Variants in TMEM178B observed in about 807,000 individuals in gnomAD.
The protein encoded by TMEM178B is transmembrane protein 178B.
TMEM178B carries 5 observed loss-of-function variants against 31.0 expected under a neutral mutation model. The observed-to-expected ratio is 0.16, with a 90% CI of 0.08 to 0.34. The LOEUF (loss-of-function observed/expected upper bound fraction) is 0.34, where lower values mean the gene tolerates loss of function less well. Among genes scored for constraint, TMEM178B ranks in the 10% least tolerant of loss-of-function variants. TMEM178B has a pLI of 1.00. For missense variants in TMEM178B, 275 were observed against 400.3 expected (o/e 0.69, Z 2.67); for synonymous variants, 164 against 164.0 (o/e 1.00, Z 0.00).
At chr7:141,196,872 A>G (rs1796791289) in intron 1 of TMEM178B, among the ~76,000 whole-genome samples, 1 of 152,168 alleles carries the variant, frequency 6.6e-6, no homozygotes. Flanking sequence ...ATAGTAGGAC[A>G]CAGCTAGGGT....
At chr7:141,418,704 C>T (rs1036066546) in intron 2 of TMEM178B, among the ~76,000 whole-genome samples, 1 of 152,128 alleles carries the variant, frequency 6.6e-6, no homozygotes, top group African/African-American at 2.4e-5. Context: ...TGTTCCATCT[C>T]TCGAAAAGCA....
intron 1 of TMEM178B, among the ~76,000 whole-genome samples, chr7:141,204,576 A>G (rs867291438): frequency 6.6e-6 from 1 of 152,118 alleles, no homozygotes; most frequent in Admixed American, 6.5e-5. Flanking sequence ...AAGATTCCAG[A>G]CTCATTTTAA....
rs547470143 is a variant in TMEM178B, at chr7:141,267,709, G to A, written c.496+55005G>A. On this transcript the variant is annotated intron_variant, in intron 2 of 3. Coordinates refer to ENST00000565468, the MANE Select transcript of TMEM178B (RefSeq NM_001195278.2). Reference sequence around the variant, plus strand: ...TTCTCTAGGCTTTTCCAGCTTTCTTGCTTCAGCACTTGGGACATTTTTATA... The same window carrying A: ...TTCTCTAGGCTTTTCCAGCTTTCTTACTTCAGCACTTGGGACATTTTTATA... 1.6e-3 allele frequency among the ~76,000 whole-genome samples: 249 copies of A among 152,340 alleles called. No homozygotes were observed. In the Middle Eastern group the frequency reaches 0.02, roughly 12 times the overall value.
chr7:141,262,389 A>T (rs1430820390), intron 2 of TMEM178B, among the ~76,000 whole-genome samples: 1 of 151,534 alleles, frequency 6.6e-6, no homozygotes, highest in African/African-American at 2.4e-5. Flanking sequence ...CATGCATGTG[A>T]GTTGCTTTGG....
At chr7:141,246,542 G>A (rs1484519823) in intron 2 of TMEM178B, among the ~76,000 whole-genome samples, 1 of 152,180 alleles carries the variant, frequency 6.6e-6, no homozygotes, top group African/African-American at 2.4e-5. Context: ...TATATGCTAA[G>A]AATTCAAAAT....
the TMEM178B span, among the ~76,000 whole-genome samples, chr7:141,498,213 C>T: frequency 6.6e-6 from 1 of 152,194 alleles, no homozygotes; most frequent in Non-Finnish European, 1.5e-5. Context: ...GAAACAAGAA[C>T]ATGGATATCT....
chr7:141,138,322 A>G (rs1314900810), intron 1 of TMEM178B, among the ~76,000 whole-genome samples: 4 of 152,146 alleles, frequency 2.6e-5, no homozygotes, highest in East Asian at 3.9e-4. Context: ...CGGCCTCCCA[A>G]AGTGCTGGGA....
chr7:141,214,380 G>A (rs1287442751), intron 2 of TMEM178B, among the ~76,000 whole-genome samples: 1 of 152,216 alleles, frequency 6.6e-6, no homozygotes, highest in Non-Finnish European at 1.5e-5. Context: ...GCCACAGAGG[G>A]CTCTTTAGGG....
intron 2 of TMEM178B, among the ~76,000 whole-genome samples, chr7:141,216,475 G>GT (rs1491521309): frequency 0.065 from 5,426 of 83,826 alleles, 507 homozygotes; most frequent in African/African-American, 0.15. Flanking sequence ...GTGTGTGTGT[G>GT]GGTGTGTGGT....
intron 1 of TMEM178B, among the ~76,000 whole-genome samples, chr7:141,130,548 T>G (rs1444773677): frequency 6.6e-6 from 1 of 152,246 alleles, no homozygotes; most frequent in Non-Finnish European, 1.5e-5. Context: ...TTCCATTATA[T>G]GACTATACCA....
At chr7:141,358,680 G>C (rs1799865350) in intron 2 of TMEM178B, among the ~76,000 whole-genome samples, 1 of 151,732 alleles carries the variant, frequency 6.6e-6, no homozygotes, top group Non-Finnish European at 1.5e-5. Flanking sequence ...TCTTTATCTA[G>C]ATGCCTACTT....
In TMEM178B at chr7:141,074,567, G is replaced by A. The variant is rs1371263383; in HGVS notation, c.257G>A (p.Arg86Gln). 6.5e-7 allele frequency: 1 copy of A among 1,535,952 alleles called. No homozygotes were observed. The highest frequency in any genetic ancestry group is 8.7e-7 in the Non-Finnish European group (1 of 1,146,776). Residue 86 changes from arginine (R) to glutamine (Q), a missense_variant, in exon 1 of 4, where the codon CGG (arginine) becomes CAG (glutamine). Coordinates refer to ENST00000565468, the MANE Select transcript of TMEM178B (RefSeq NM_001195278.2). The surrounding 1 kb of genome is among the most constrained non-coding windows in gnomAD (Gnocchi z 5.1). ...AAACTCCTCCGGGCCCGGAATCGCCGGCAGCTGTTCGCCATGAGCCCCGCG... is the reference window on the plus strand; with the variant it reads ...AAACTCCTCCGGGCCCGGAATCGCCAGCAGCTGTTCGCCATGAGCCCCGCG... ...EGKLLRARNRRQLFAMSPADE... is the reference protein window; with the variant it reads ...EGKLLRARNRQQLFAMSPADE...
chr7:141,491,357 A>T, the TMEM178B span, among the ~76,000 whole-genome samples: 1,309 of 152,286 alleles, frequency 8.6e-3, 12 homozygotes, highest in African/African-American at 0.03. Context: ...TAATGATCAT[A>T]ATGTATTTTC....
At chr7:141,401,436 C>G (rs1800764319) in intron 2 of TMEM178B, among the ~76,000 whole-genome samples, 1 of 152,134 alleles carries the variant, frequency 6.6e-6, no homozygotes, top group East Asian at 1.9e-4. Context: ...TATTTAGAGA[C>G]AGGGTCTTGC....
At chr7:141,497,822 G>A in the TMEM178B span, among the ~76,000 whole-genome samples, 1 of 152,114 alleles carries the variant, frequency 6.6e-6, no homozygotes. Context: ...TGTCTAGAAA[G>A]AAAAAACATC....
At chr7:141,367,122 G>A (rs1800023279) in intron 2 of TMEM178B, among the ~76,000 whole-genome samples, 1 of 151,966 alleles carries the variant, frequency 6.6e-6, no homozygotes, top group Non-Finnish European at 1.5e-5. Flanking sequence ...GGGTGGCCAG[G>A]GCCTGTGAAG....
At chr7:141,280,435 A>C (rs1229009432) in intron 2 of TMEM178B, among the ~76,000 whole-genome samples, 1 of 152,126 alleles carries the variant, frequency 6.6e-6, no homozygotes, top group Non-Finnish European at 1.5e-5. Context: ...GTAGTGTATA[A>C]GTCTCATGAG....
At chr7:141,366,060 C>T (rs1307174745) in intron 2 of TMEM178B, among the ~76,000 whole-genome samples, 4 of 152,250 alleles carry the variant, frequency 2.6e-5, no homozygotes, top group South Asian at 2.1e-4. Context: ...AAGCATAGAG[C>T]GCCTTTATGG....
chr7:141,311,384 T>C (rs1349385866), intron 2 of TMEM178B, among the ~76,000 whole-genome samples: 2 of 152,226 alleles, frequency 1.3e-5, no homozygotes, highest in East Asian at 3.8e-4. Context: ...GTTAATTTTT[T>C]CATATTTGAT....
Sources: gnomAD v4.1 joint callset for allele counts (sites outside exome capture counted in the v4.1 genomes callset) on GRCh38, gnomAD v4.1.1 for gene constraint, Gnocchi (gnomAD v3.1) non-coding constraint, MANE v1.5 for transcripts, NCBI Gene and HGNC (gene_info 2026-07-23, HGNC 2026-07-21) for gene names.